Variants in EDIL3 observed in about 807,000 individuals in gnomAD.
EDIL3 encodes EGF-like repeat and discoidin I-like domain-containing protein 3.
EDIL3 carries 37 observed loss-of-function variants against 67.4 expected under a neutral mutation model. The observed-to-expected ratio is 0.55, with a 90% CI of 0.42 to 0.72. The LOEUF (loss-of-function observed/expected upper bound fraction) is 0.72. Ranked by LOEUF, EDIL3 falls within the 30% of genes least tolerant of loss-of-function variation. The pLI is 0.00. For missense variants in EDIL3, 527 were observed against 586.3 expected (o/e 0.90, Z 1.04); for synonymous variants, 195 against 196.3 (o/e 0.99, Z 0.05).
intron 1 of EDIL3, among the ~76,000 whole-genome samples, chr5:84,264,947 T>C (rs1006126461): frequency 1.3e-5 from 2 of 152,204 alleles, no homozygotes; most frequent in Non-Finnish European, 2.9e-5. Context: ...TCTTACTTTT[T>C]CTAAGCGTAA....
intron 2 of EDIL3, among the ~76,000 whole-genome samples, chr5:84,241,430 C>A (rs1368022451): frequency 6.6e-6 from 1 of 152,198 alleles, no homozygotes; most frequent in East Asian, 1.9e-4. Context: ...ATTTTGCAAT[C>A]TTATAAATAA....
intron 2 of EDIL3, among the ~76,000 whole-genome samples, chr5:84,241,312 T>C (rs1213443581): frequency 1.3e-5 from 2 of 152,244 alleles, no homozygotes; most frequent in Non-Finnish European, 2.9e-5. Flanking sequence ...TCTATCTTTA[T>C]GCAAAACCAC....
At chr5:84,158,272 T>A (rs933684176) in intron 4 of EDIL3, among the ~76,000 whole-genome samples, 1 of 152,178 alleles carries the variant, frequency 6.6e-6, no homozygotes, top group Non-Finnish European at 1.5e-5. Context: ...GTCTTACCAA[T>A]TTACCTCTTA....
chr5:84,270,230 GC>G (rs2112095276), intron 1 of EDIL3, among the ~76,000 whole-genome samples: 1 of 152,234 alleles, frequency 6.6e-6, no homozygotes, highest in East Asian at 1.9e-4. Flanking sequence ...CAAAGTAGAA[GC>G]AGAAATGATA....
At chr5:84,121,551 ATC>A (rs1747775725) in intron 5 of EDIL3, among the ~76,000 whole-genome samples, 1 of 124,034 alleles carries the variant, frequency 8.1e-6, no homozygotes, top group South Asian at 2.5e-4. Context: ...CTATCTATCT[ATC>A]TATCTATCTA....
At chr5:84,030,094 T>C (rs1745891735) in intron 9 of EDIL3, among the ~76,000 whole-genome samples, 1 of 152,180 alleles carries the variant, frequency 6.6e-6, no homozygotes, top group Admixed American at 6.5e-5. Flanking sequence ...CTTACTCGGA[T>C]TTGAATGACC....
At chr5:84,345,564 G>C (rs1489318422) in intron 1 of EDIL3, among the ~76,000 whole-genome samples, 2 of 152,052 alleles carry the variant, frequency 1.3e-5, no homozygotes, top group African/African-American at 4.8e-5. Flanking sequence ...GATTTAGTAG[G>C]GTCCCCTTAA....
intron 6 of EDIL3, among the ~76,000 whole-genome samples, chr5:84,097,025 G>A (rs756465291): frequency 3.9e-5 from 6 of 152,186 alleles, no homozygotes; most frequent in Non-Finnish European, 5.9e-5. Flanking sequence ...CCCCAGCCAT[G>A]TGGAACTGTA....
At chr5:84,308,952 A>G (rs1746326110) in intron 1 of EDIL3, among the ~76,000 whole-genome samples, 1 of 152,202 alleles carries the variant, frequency 6.6e-6, no homozygotes, top group Non-Finnish European at 1.5e-5. Flanking sequence ...CCCATGACAA[A>G]TAGTTGATTA....
intron 6 of EDIL3, among the ~76,000 whole-genome samples, chr5:84,104,594 C>G (rs1161609597): frequency 2.0e-5 from 3 of 151,834 alleles, no homozygotes; most frequent in East Asian, 3.9e-4. Context: ...CTGTTTTTCT[C>G]TGAGTTCATT....
intron 3 of EDIL3, among the ~76,000 whole-genome samples, chr5:84,189,037 T>C (rs909023422): frequency 1.3e-5 from 2 of 152,086 alleles, no homozygotes; most frequent in Non-Finnish European, 2.9e-5. Context: ...TGTTTTGTTA[T>C]AGTATTGCAG....
intron 3 of EDIL3, among the ~76,000 whole-genome samples, chr5:84,200,093 A>G (rs1743801200): frequency 6.6e-6 from 1 of 152,106 alleles, no homozygotes; most frequent in African/African-American, 2.4e-5. Flanking sequence ...ATTTATTTTC[A>G]TAAGTGAATT....
intron 4 of EDIL3, among the ~76,000 whole-genome samples, chr5:84,173,476 G>GC (rs1268586001): frequency 6.6e-6 from 1 of 152,042 alleles, no homozygotes; most frequent in Non-Finnish European, 1.5e-5. Flanking sequence ...TCGCACGACT[G>GC]CCCCCCTCTC....
intron 9 of EDIL3, among the ~76,000 whole-genome samples, chr5:83,978,542 T>C (rs79539454): frequency 6.6e-6 from 1 of 151,928 alleles, no homozygotes; most frequent in Non-Finnish European, 1.5e-5. Flanking sequence ...CTAGATAATT[T>C]GCTGCATGGC....
At chr5:84,078,110 T>C (rs930419413) in intron 6 of EDIL3, among the ~76,000 whole-genome samples, 3 of 152,224 alleles carry the variant, frequency 2.0e-5, no homozygotes, top group African/African-American at 4.8e-5. Context: ...TTCTATCTGT[T>C]AGTTGTTAGT....
chr5:84,060,658 G>A (rs181810855), intron 8 of EDIL3, among the ~76,000 whole-genome samples, 174 bp from the exon 9 acceptor site: 47 of 152,048 alleles, frequency 3.1e-4, no homozygotes, highest in African/African-American at 8.9e-4. Flanking sequence ...AAACAAAATC[G>A]AAAAACAAGA....
At position 83,987,041 on chromosome 5, in the gene EDIL3, T is replaced by C. The variant is rs568965418; in HGVS notation, c.1138-23681A>G. Among the ~76,000 whole-genome samples the C allele has an allele frequency of 7.2e-5, 11 of 152,254 alleles. No homozygotes were observed. The South Asian group carries it at 2.3e-3, about 32-fold the overall frequency. ...TAACTTAAATGTGCCATATTAAAAA[T>C]AAAGGTAATTAGGTTTTCACCATGT... On this transcript the variant is annotated intron_variant, in intron 9 of 10. Coordinates refer to ENST00000296591, the MANE Select transcript of EDIL3 (RefSeq NM_005711.5).
At chr5:84,199,231 C>T (rs754159343) in intron 3 of EDIL3, among the ~76,000 whole-genome samples, 2 of 151,846 alleles carry the variant, frequency 1.3e-5, no homozygotes. Context: ...TTGCCTTTGT[C>T]CTATTTTCCT....
At chr5:83,982,436 C>G (rs1744986139) in intron 9 of EDIL3, among the ~76,000 whole-genome samples, 1 of 152,124 alleles carries the variant, frequency 6.6e-6, no homozygotes, top group East Asian at 1.9e-4. Flanking sequence ...CATGGCAAAT[C>G]TCTCCAATTT....
Sources: gnomAD v4.1 joint callset for allele counts (sites outside exome capture counted in the v4.1 genomes callset) on GRCh38, gnomAD v4.1.1 for gene constraint, MANE v1.5 for transcripts, NCBI Gene and HGNC (gene_info 2026-07-23, HGNC 2026-07-21) for gene names.